The following PCED1B variants were observed in gnomAD, a reference collection of about 807,000 sequenced individuals.
PCED1B encodes the protein PC-esterase domain-containing protein 1B.
For missense variants in PCED1B, 573 were observed against 573.9 expected, an observed-to-expected ratio of 1.00 and a Z score of 0.02; for synonymous variants, 251 against 246.1, an observed-to-expected ratio of 1.02 and a Z score of -0.19.
intron 2 of PCED1B, among the ~76,000 whole-genome samples, chr12:47,190,117 G>C (rs1225380343): frequency 2.6e-5 from 4 of 152,202 alleles, no homozygotes; most frequent in Non-Finnish European, 5.9e-5. Flanking sequence ...TATTTGCATA[G>C]TGTTTTGTTA....
intron 2 of PCED1B, among the ~76,000 whole-genome samples, chr12:47,193,415 C>A (rs1320256700): frequency 6.6e-6 from 1 of 152,156 alleles, no homozygotes; most frequent in African/African-American, 2.4e-5. Flanking sequence ...CTGCCCCCTT[C>A]CCCCTTTCCA....
At chr12:47,100,510 T>A (rs1938656663) in intron 1 of PCED1B, among the ~76,000 whole-genome samples, 1 of 152,230 alleles carries the variant, frequency 6.6e-6, no homozygotes, top group African/African-American at 2.4e-5. Flanking sequence ...TTTTGTTTGT[T>A]TTACAGGTAA....
At chr12:47,214,615 C>A (rs1207876072) in intron 2 of PCED1B, among the ~76,000 whole-genome samples, 2 of 151,636 alleles carry the variant, frequency 1.3e-5, no homozygotes, top group Non-Finnish European at 2.9e-5. Context: ...CAAGACCAGC[C>A]TGGGCAACAT....
At chr12:47,144,517 CA>C (rs1439114392) in intron 2 of PCED1B, among the ~76,000 whole-genome samples, 2 of 152,060 alleles carry the variant, frequency 1.3e-5, no homozygotes, top group Non-Finnish European at 2.9e-5. Flanking sequence ...AAAATTTTTC[CA>C]TTCTGCTTCT....
intron 2 of PCED1B, among the ~76,000 whole-genome samples, chr12:47,185,615 C>T (rs112615545): frequency 0.01 from 1,573 of 151,886 alleles, 12 homozygotes; most frequent in Middle Eastern, 0.041. Context: ...ATGTTGAAAC[C>T]CCATCTCTAC....
intron 2 of PCED1B, among the ~76,000 whole-genome samples, chr12:47,188,814 T>G (rs1234792628): frequency 6.6e-6 from 1 of 152,114 alleles, no homozygotes; most frequent in Non-Finnish European, 1.5e-5. Context: ...TTTCACTCAT[T>G]CTCCGTAAAA....
intron 2 of PCED1B, among the ~76,000 whole-genome samples, chr12:47,174,419 AC>A (rs1565582883): frequency 6.6e-6 from 1 of 150,434 alleles, no homozygotes; most frequent in African/African-American, 2.5e-5. Context: ...AAAAAAAAAA[AC>A]AAACAAAACA....
intron 2 of PCED1B, among the ~76,000 whole-genome samples, chr12:47,150,666 G>A (rs1431031472): frequency 6.6e-6 from 1 of 152,064 alleles, no homozygotes; most frequent in African/African-American, 2.4e-5. Flanking sequence ...ATACATGGGG[G>A]AGAGCATTTC....
At chr12:47,199,973 A>C (rs73293901) in intron 2 of PCED1B, among the ~76,000 whole-genome samples, 1 of 152,188 alleles carries the variant, frequency 6.6e-6, no homozygotes, top group Non-Finnish European at 1.5e-5. Flanking sequence ...AATATATCTG[A>C]TTAAGAAGTA....
At chr12:47,169,509 A>G (rs1047503893) in intron 2 of PCED1B, among the ~76,000 whole-genome samples, 1 of 152,078 alleles carries the variant, frequency 6.6e-6, no homozygotes, top group Non-Finnish European at 1.5e-5. Context: ...CATCATTTCA[A>G]TAGTTTTACT....
chr12:47,080,749 G>A (rs1048494096), intron 1 of PCED1B, among the ~76,000 whole-genome samples: 4 of 152,130 alleles, frequency 2.6e-5, no homozygotes, highest in African/African-American at 9.7e-5. Flanking sequence ...AATAATCCCA[G>A]AGCAGACCTT....
At chr12:47,097,259 G>A (rs1938517653) in intron 1 of PCED1B, among the ~76,000 whole-genome samples, 2 of 152,188 alleles carry the variant, frequency 1.3e-5, no homozygotes, top group African/African-American at 4.8e-5. Flanking sequence ...TGTACCTGTA[G>A]AAAATACATC....
intron 2 of PCED1B, chr12:47,209,970 A>G (rs1943027519): frequency 6.6e-6 from 1 of 152,216 alleles, no homozygotes; most frequent in Non-Finnish European, 1.5e-5. Context: ...CTGATCAGAG[A>G]CTAGCTTTGG....
chr12:47,133,493 G>T (rs1167554756), intron 2 of PCED1B, among the ~76,000 whole-genome samples: 1 of 152,118 alleles, frequency 6.6e-6, no homozygotes, highest in Non-Finnish European at 1.5e-5. Flanking sequence ...GGGATGGGGG[G>T]TACATCATGC....
At chr12:47,086,179 G>A (rs1033875987) in intron 1 of PCED1B, among the ~76,000 whole-genome samples, 1 of 152,014 alleles carries the variant, frequency 6.6e-6, no homozygotes, top group Non-Finnish European at 1.5e-5. Flanking sequence ...ACAAACTTGG[G>A]TGTGATCAAC....
chr12:47,102,772 C>T (rs948560011), intron 1 of PCED1B, among the ~76,000 whole-genome samples: 2 of 152,056 alleles, frequency 1.3e-5, no homozygotes, highest in South Asian at 2.1e-4. Flanking sequence ...TTAGCAATGA[C>T]GTATAGGAGC....
intron 2 of PCED1B, among the ~76,000 whole-genome samples, chr12:47,181,980 G>A (rs1051077078): frequency 6.6e-6 from 1 of 152,152 alleles, no homozygotes; most frequent in Non-Finnish European, 1.5e-5. Flanking sequence ...AAAGGCTGAA[G>A]GCTTCACAAA....
At chr12:47,175,578 A>G (rs911881642) in intron 2 of PCED1B, among the ~76,000 whole-genome samples, 2 of 151,854 alleles carry the variant, frequency 1.3e-5, no homozygotes, top group African/African-American at 4.8e-5. Context: ...GTATGTATGT[A>G]TGTATTTATT....
At chr12:47,217,131 G>A (rs900310006) in intron 3 of PCED1B, among the ~76,000 whole-genome samples, 49 of 152,000 alleles carry the variant, frequency 3.2e-4, no homozygotes, top group African/African-American at 1.0e-3. Flanking sequence ...GTCCAGGTGC[G>A]GTGGCCCACA....
Sources: gnomAD v4.1 joint callset for allele counts (sites outside exome capture counted in the v4.1 genomes callset) on GRCh38, gnomAD v4.1.1 for gene constraint, MANE v1.5 for transcripts, NCBI Gene and HGNC (gene_info 2026-07-23, HGNC 2026-07-21) for gene names.